ZNF717: variants seen among roughly 807,000 people sequenced by gnomAD.
The protein encoded by ZNF717 is krueppel-like factor X17.
Under a neutral mutation model 13.8 loss-of-function variants are expected in ZNF717, and 9 were observed. The observed-to-expected ratio is 0.65, with a 90% CI of 0.39 to 1.14. The LOEUF is 1.14. Ranked by LOEUF, ZNF717 falls within the 50% of genes most tolerant of loss-of-function variation. The pLI, the probability that ZNF717 is intolerant of heterozygous loss-of-function variation, is 0.01. For synonymous variants in ZNF717, 327 were observed against 364.1 expected (o/e 0.90, Z 1.16); for missense variants, 1,040 against 1,080.7 (o/e 0.96, Z 0.53).
At chr3:75,727,545 GTC>G (rs1436670441), downstream of ZNF717, among the ~76,000 whole-genome samples, 1 of 152,148 alleles carries the variant, frequency 6.6e-6, no homozygotes, top group African/African-American at 2.4e-5. Context: ...CTCTGGGAGT[GTC>G]TGTCTTATGT....
At chr3:75,771,705 G>C (rs1232380334) in intron 2 of ZNF717, among the ~76,000 whole-genome samples, 1 of 152,240 alleles carries the variant, frequency 6.6e-6, no homozygotes, top group Non-Finnish European at 1.5e-5. Flanking sequence ...GTGGGAGCCA[G>C]GAACGGGTGG....
chr3:75,727,907 C>T (rs1166179144), downstream of ZNF717, among the ~76,000 whole-genome samples: 1 of 152,256 alleles, frequency 6.6e-6, no homozygotes, highest in Non-Finnish European at 1.5e-5. Context: ...ATGGCACCCC[C>T]AGAGGCCAAG....
downstream of ZNF717, among the ~76,000 whole-genome samples, chr3:75,708,732 C>T (rs6549773): frequency 0.42 from 63,007 of 151,788 alleles, 13,491 homozygotes; most frequent in South Asian, 0.61. Context: ...AAAAATTAGA[C>T]GAATGGATAA....
In ZNF717 at chr3:75,736,880, A is replaced by T. The variant is rs77251052; in HGVS notation, c.2743T>A (p.Ter915ArgextTer42). 1 of 1,210,550 alleles carries T rather than the reference A, an allele frequency of 8.3e-7. No homozygotes were observed. The highest frequency in any genetic ancestry group is 1.5e-5 in the African/African-American group (1 of 67,040). 75.0% of individuals were successfully genotyped at this position (1,210,550 alleles called of 1,614,324 possible). The change falls in exon 5 of 5, where the codon TGA becomes AGA. Residue 915 changes from the stop codon to arginine, a stop_lost. Transcript: ENST00000652011. ...CCAGAGAGGTGTAGGTTGTGTGTTC[A>T]AGGGAAAAAAGAGTGATTTTGAGGG... The part of the protein sequence containing the change: ...VFPQNHSFFP[*>R]
chr3:75,766,234 G>A (rs984918517), intron 2 of ZNF717, among the ~76,000 whole-genome samples: 4 of 152,064 alleles, frequency 2.6e-5, no homozygotes, highest in Non-Finnish European at 5.9e-5. Context: ...CCAGACCTGA[G>A]AGGAAAGCAA....
chr3:75,771,665 G>A (rs1305817885), intron 2 of ZNF717, among the ~76,000 whole-genome samples: 1 of 152,248 alleles, frequency 6.6e-6, no homozygotes, highest in Non-Finnish European at 1.5e-5. Flanking sequence ...GTGGGGAGGA[G>A]TGGCTGGGGC....
At chr3:75,754,892 AT>A (rs1286929481) in intron 2 of ZNF717, among the ~76,000 whole-genome samples, 1 of 152,178 alleles carries the variant, frequency 6.6e-6, no homozygotes, top group Non-Finnish European at 1.5e-5. Context: ...TGGACATAAA[AT>A]TTTCAAACTA....
chr3:75,731,902 CAG>C (rs1938591546), downstream of ZNF717, among the ~76,000 whole-genome samples: 1 of 152,260 alleles, frequency 6.6e-6, no homozygotes, highest in African/African-American at 2.4e-5. Context: ...CTTACAGGAA[CAG>C]AGACTCACTA....
chr3:75,732,030 T>A (rs1324802009), downstream of ZNF717: 1 of 702,436 alleles, frequency 1.4e-6, no homozygotes, highest in Admixed American at 2.0e-5. Flanking sequence ...GAGATCCAGT[T>A]ATGAGGGAGC....
At chr3:75,780,283 G>A (rs1014216644) in intron 2 of ZNF717, among the ~76,000 whole-genome samples, 70 of 148,750 alleles carry the variant, frequency 4.7e-4, no homozygotes, top group Admixed American at 2.5e-3. Context: ...GCTAAAACTG[G>A]AACCCAAAAC....
rs76261820 is a variant in ZNF717 at position 75,736,540 on chromosome 3, C to T, written c.*338G>A. The T allele has an allele frequency of 1.1e-5, 3 of 266,506 alleles. No individual in the cohort carries two copies. The highest frequency in any genetic ancestry group is 2.1e-5 in the Non-Finnish European group (3 of 143,902). 16.5% of individuals were successfully genotyped at this position (266,506 alleles called of 1,614,324 possible). ...ACATAGAAGATCAAACCAGCCCCAA[C>T]ATTCCCTTGAGACAAAGCCTAATCC... On this transcript the variant is annotated 3_prime_UTR_variant, in exon 5 of 5. Coordinates refer to ENST00000652011, the MANE Select transcript of ZNF717 (RefSeq NM_001290208.3).
downstream of ZNF717, among the ~76,000 whole-genome samples, chr3:75,708,124 G>A (rs1439068493): frequency 2.0e-5 from 3 of 152,350 alleles, no homozygotes; most frequent in Admixed American, 2.0e-4. Context: ...GCACGCAGCT[G>A]GAGATCTGAG....
intron 6 of ZNF717, among the ~76,000 whole-genome samples, chr3:75,702,057 G>A (rs1242474492): frequency 3.3e-5 from 5 of 152,264 alleles, no homozygotes; most frequent in African/African-American, 1.2e-4. Flanking sequence ...AGAACAGTTT[G>A]GATGTTCCTG....
chr3:75,733,002 T>C (rs1398711298), downstream of ZNF717, among the ~76,000 whole-genome samples: 1 of 152,062 alleles, frequency 6.6e-6, no homozygotes, highest in South Asian at 2.1e-4. Flanking sequence ...CAAGAACAGA[T>C]AGGCAATGTA....
chr3:75,746,835 T>C lies in ZNF717; in HGVS notation c.58-5099A>G, dbSNP rs111336888. 8.8e-3 allele frequency among the ~76,000 whole-genome samples: 1,341 copies of C among 152,270 alleles called. 7 individuals are homozygous for C. Among genetic ancestry groups the C allele is most frequent in the Middle Eastern group, 0.02 (6 of 294 alleles). On this transcript the variant is annotated intron_variant, in intron 2 of 4. Transcript: ENST00000652011. Reference sequence around the variant, plus strand: ...TCTGTAGGCTGCCTGTTCACTCTGATGTCTTTTGCTGAGCAAAAGCTCGTT... The same window carrying C: ...TCTGTAGGCTGCCTGTTCACTCTGACGTCTTTTGCTGAGCAAAAGCTCGTT...
At chr3:75,768,673 T>A (rs1418992577) in intron 2 of ZNF717, among the ~76,000 whole-genome samples, 2 of 145,134 alleles carry the variant, frequency 1.4e-5, no homozygotes, top group Non-Finnish European at 3.0e-5. Context: ...GGGGGGCAGA[T>A]GACAGGCCAC....
chr3:75,724,026 TAA>T (rs1284836469), intron 4 of ZNF717, among the ~76,000 whole-genome samples: 2 of 151,948 alleles, frequency 1.3e-5, no homozygotes, highest in Non-Finnish European at 2.9e-5. Flanking sequence ...GTGAAAGTAC[TAA>T]AAGTCTTTGA....
chr3:75,711,789 T>C (rs1485359972), intron 5 of ZNF717, among the ~76,000 whole-genome samples: 1 of 152,220 alleles, frequency 6.6e-6, no homozygotes, highest in Admixed American at 6.5e-5. Flanking sequence ...AGAGTATTTG[T>C]TATTTTCTAT....
rs17028799 is a variant in ZNF717, at chr3:75,737,405, A to C, written c.2218T>G (p.Cys740Gly). 2.7e-3 allele frequency: 3,960 copies of C among 1,441,244 alleles called. 81 individuals are homozygous for C. In the East Asian group the frequency reaches 0.083, roughly 30 times the overall value. The allele number at this position is 1,441,244 out of a possible 1,614,324, so 89.3% of individuals were successfully genotyped here. The change falls in exon 5 of 5, where the codon TGT becomes GGT. Residue 740 changes from cysteine to glycine, a missense_variant. Cys to Gly is a radical substitution (Grantham distance 159). Around this residue, in one of 3 missense-constraint regions of ZNF717, gnomAD observed 873 missense variants for 832.8 expected, o/e 1.05. Coordinates refer to ENST00000652011, the MANE Select transcript of ZNF717 (RefSeq NM_001290208.3). ...TGTACAGTGAGGACTGACTTCTGACAAGGTTTTTCCACATTTGCTACATTC... is the reference window on the plus strand; with the variant it reads ...TGTACAGTGAGGACTGACTTCTGACCAGGTTTTTCCACATTTGCTACATTC... ...PMNVANVEKP[C>G]QKSVLTVHHR...
Sources: gnomAD v4.1 joint callset for allele counts (sites outside exome capture counted in the v4.1 genomes callset) on GRCh38, gnomAD v4.1.1 for gene constraint, gnomAD v4.1.1 regional missense constraint, MANE v1.5 for transcripts, NCBI Gene and HGNC (gene_info 2026-07-23, HGNC 2026-07-21) for gene names.